The following PRORP variants were observed in gnomAD, a reference collection of about 807,000 sequenced individuals.
The protein encoded by PRORP is protein only RNase P catalytic subunit.
In PRORP, 51 loss-of-function variants were observed where a neutral mutation model predicts 59.4. That is an observed-to-expected ratio of 0.86 (90% CI 0.69 to 1.08). The LOEUF is 1.08. PRORP is among the 50% of genes least tolerant of loss of function. The probability of loss-of-function intolerance (pLI) is 0.00; values close to 1 mark genes in which losing one functional copy is unlikely to be tolerated. For synonymous variants in PRORP, 231 were observed against 245.6 expected, an observed-to-expected ratio of 0.94 and a Z score of 0.55; for missense variants, 646 against 690.3, an observed-to-expected ratio of 0.94 and a Z score of 0.72.
In PRORP at chr14:35,203,623, G is replaced by A. The variant is rs1278404706; in HGVS notation, c.1275+22846G>A. Among the ~76,000 whole-genome samples the A allele has an allele frequency of 3.9e-5, 6 of 152,324 alleles. No homozygotes were observed. The East Asian group carries it at 1.2e-3, about 29-fold the overall frequency. ...CTCATGCCTGTAATCCCAGCACTTT[G>A]GGAGGCCGAGGCGGGCGGATCACAA... is the stretch of plus-strand genomic sequence containing the variant. On this transcript the variant is annotated intron_variant, in intron 5 of 7. Coordinates refer to ENST00000534898, the MANE Select transcript of PRORP (RefSeq NM_014672.4).
intron 5 of PRORP, among the ~76,000 whole-genome samples, chr14:35,231,097 A>C (rs1275240102): frequency 2.0e-5 from 3 of 152,118 alleles, no homozygotes; most frequent in Non-Finnish European, 4.4e-5. Context: ...TTTTTATTGA[A>C]TATCATTTGG....
In PRORP at chr14:35,123,474, C is replaced by A. The variant is rs761645630; in HGVS notation, c.229C>A (p.Gln77Lys). Residue 77 changes from glutamine to lysine, a missense_variant, in exon 2 of 8, where the codon CAA becomes AAA. By Grantham distance (53) the Gln-to-Lys change is moderately conservative. Coordinates refer to ENST00000534898, the MANE Select transcript of PRORP (RefSeq NM_014672.4). ...YLRKDEGSNK[Q>K]VYSVPHFFLA... ...CAGGAAAGATGAGGGCAGTAATAAG[C>A]AAGTTTATTCTGTTCCTCATTTTTT... The A allele has an allele frequency of 1.2e-6, 2 of 1,614,146 alleles. No homozygotes were observed. Among genetic ancestry groups the A allele is most frequent in the Admixed American group, 3.3e-5 (2 of 60,022 alleles).
At chr14:35,137,993 C>G (rs1210407067) in intron 4 of PRORP, among the ~76,000 whole-genome samples, 2 of 145,742 alleles carry the variant, frequency 1.4e-5, no homozygotes, top group African/African-American at 4.9e-5. Flanking sequence ...ATTGCAAATA[C>G]CACAAACCAG....
At chr14:35,143,628 AGT>A (rs140024658) in intron 4 of PRORP, among the ~76,000 whole-genome samples, 3 of 145,160 alleles carry the variant, frequency 2.1e-5, no homozygotes, top group Non-Finnish European at 4.6e-5. Context: ...AAAGACAGAT[AGT>A]TTTTGTTTGT....
At chr14:35,162,486 TTA>T (rs568528105) in intron 4 of PRORP, among the ~76,000 whole-genome samples, 3 of 152,258 alleles carry the variant, frequency 2.0e-5, no homozygotes, top group African/African-American at 7.2e-5. Context: ...TAAGAGGCAC[TTA>T]TATTTATTTT....
intron 4 of PRORP, among the ~76,000 whole-genome samples, chr14:35,175,342 A>G (rs569762656): frequency 8.7e-4 from 133 of 152,194 alleles, no homozygotes; most frequent in African/African-American, 3.1e-3. Context: ...TGGTTGAACT[A>G]GTTTACAGTC....
rs2048944673 is a variant in PRORP at position 35,193,823 on chromosome 14, T to A, written c.1275+13046T>A. 2.0e-5 allele frequency among the ~76,000 whole-genome samples: 3 copies of A among 152,148 alleles called. No individual in the cohort carries two copies. In the South Asian group the frequency reaches 6.2e-4, roughly 32 times the overall value. ...CTTGACTTTTAAATACTCTTTTCCA[T>A]ATAATTGTTTCTCCCGTTTAAAGAC... On this transcript the variant is annotated intron_variant, in intron 5 of 7. Transcript: ENST00000534898.
At chr14:35,253,049 G>A (rs1182794378) in intron 5 of PRORP, among the ~76,000 whole-genome samples, 1 of 152,100 alleles carries the variant, frequency 6.6e-6, no homozygotes, top group East Asian at 1.9e-4. Context: ...GAAACTTTCT[G>A]CTGGTCAGGT....
At chr14:35,201,521 T>G (rs890302183) in intron 5 of PRORP, among the ~76,000 whole-genome samples, 2 of 151,872 alleles carry the variant, frequency 1.3e-5, no homozygotes, top group Non-Finnish European at 2.9e-5. Flanking sequence ...GTGTTCTACC[T>G]TTGGCCATTG....
At chr14:35,262,978 A>G in intron 5 of PRORP, 1 of 1,598,898 alleles carries the variant, frequency 6.3e-7, no homozygotes, top group Non-Finnish European at 8.5e-7. Flanking sequence ...GATATCAGGA[A>G]ATTTTTGGAT....
At chr14:35,238,525 C>T (rs2050279015) in intron 5 of PRORP, among the ~76,000 whole-genome samples, 1 of 152,070 alleles carries the variant, frequency 6.6e-6, no homozygotes, top group Non-Finnish European at 1.5e-5. Flanking sequence ...ACATCTTGAA[C>T]TAAAGTGATG....
At chr14:35,131,951 T>C (rs1595164147) in intron 4 of PRORP, among the ~76,000 whole-genome samples, 2 of 152,090 alleles carry the variant, frequency 1.3e-5, no homozygotes, top group Admixed American at 1.3e-4. Context: ...GTGATTCTCC[T>C]GCCTCAGCCT....
intron 5 of PRORP, among the ~76,000 whole-genome samples, chr14:35,211,623 T>C (rs971405872): frequency 6.6e-6 from 1 of 152,386 alleles, no homozygotes; most frequent in African/African-American, 2.4e-5. Flanking sequence ...TAGTCTATTA[T>C]GTATGCAATA....
intron 5 of PRORP, among the ~76,000 whole-genome samples, chr14:35,213,320 TAG>T (rs1290018557): frequency 3.3e-5 from 5 of 152,128 alleles, no homozygotes; most frequent in African/African-American, 1.2e-4. Context: ...CCTATAGTCC[TAG>T]CTTGGAAAGC....
rs1566452035 is a variant in PRORP at position 35,142,111 on chromosome 14, T to C, written c.1167+14500T>C. Among the ~76,000 whole-genome samples, 2 of 144,528 alleles carry C rather than the reference T, an allele frequency of 1.4e-5. 1 individual carries two copies. Among genetic ancestry groups the C allele is most frequent in the East Asian group, 4.7e-4 (2 of 4,240 alleles). The allele number at this position is 144,528 out of a possible 152,430, so 94.8% of individuals were successfully genotyped here. On this transcript the variant is annotated intron_variant, in intron 4 of 7. Transcript: ENST00000534898. Reference sequence around the variant, plus strand: ...CCAGGCTGGTCTTGAACTCCTGACCTCAGCTGATCCATCCGCCTCGGCCTC... The same window carrying C: ...CCAGGCTGGTCTTGAACTCCTGACCCCAGCTGATCCATCCGCCTCGGCCTC...
At chr14:35,144,456 T>C (rs2047558489) in intron 4 of PRORP, 1 of 146,310 alleles carries the variant, frequency 6.8e-6, no homozygotes, top group Non-Finnish European at 1.5e-5. Flanking sequence ...GGAGCAGGGA[T>C]TTCCTTCTTT....
At chr14:35,202,414 A>G (rs1595297577) in intron 5 of PRORP, among the ~76,000 whole-genome samples, 1 of 152,006 alleles carries the variant, frequency 6.6e-6, no homozygotes, top group African/African-American at 2.4e-5. Context: ...CAGTCACCTT[A>G]TGATTTTTTT....
chr14:35,224,266 T>C (rs1029043961), intron 5 of PRORP, among the ~76,000 whole-genome samples: 1 of 152,236 alleles, frequency 6.6e-6, no homozygotes, highest in East Asian at 1.9e-4. Flanking sequence ...ATATTCTCTA[T>C]CATAGGAGCC....
chr14:35,191,472 C>T (rs1162019430), intron 5 of PRORP, among the ~76,000 whole-genome samples: 11 of 152,186 alleles, frequency 7.2e-5, no homozygotes, highest in South Asian at 4.2e-4. Flanking sequence ...GAGGCTGAGG[C>T]GGGAGAATCA....
Sources: allele counts gnomAD v4.1 joint callset (sites outside exome capture counted in the v4.1 genomes callset), GRCh38; gene constraint gnomAD v4.1.1; transcripts MANE v1.5; gene names NCBI Gene and HGNC (gene_info 2026-07-23, HGNC 2026-07-21).